The following BRF1 variants were observed in gnomAD, a reference collection of about 807,000 sequenced individuals.
BRF1 encodes the protein BRF1 general transcription factor IIIB subunit, also known as transcription factor IIIB 90 kDa subunit.
Under a neutral mutation model 81.7 loss-of-function variants are expected in BRF1, and 59 were observed. The observed-to-expected ratio is 0.72, with a 90% CI of 0.59 to 0.90. The LOEUF (loss-of-function observed/expected upper bound fraction) is 0.90. Ranked by LOEUF, BRF1 falls within the 40% of genes least tolerant of loss-of-function variation. The pLI is 0.00. For synonymous variants in BRF1, 491 were observed against 395.6 expected, an observed-to-expected ratio of 1.24 and a Z score of -2.86; for missense variants, 1,050 against 936.3, an observed-to-expected ratio of 1.12 and a Z score of -1.58.
At position 105,226,094 on chromosome 14, in the gene BRF1, C is replaced by A. The variant is rs200958859; in HGVS notation, c.1023G>T (p.Gly341=). The change falls in exon 10 of 18, where the codon GGG becomes GGT. Residue 341 remains glycine, a synonymous_variant. Coordinates refer to ENST00000547530, the MANE Select transcript of BRF1 (RefSeq NM_001519.4). ...CATCTTTTGCCAGGCTGGCCAGGCC[C>A]CCCTTGGCCTTTGGCCGGCTGTTTT... is the stretch of plus-strand genomic sequence containing the variant. The part of the protein sequence containing the change: ...ELENSRPKAK[G]GLASLAKDGS... 126 of 1,613,920 alleles carry A rather than the reference C, an allele frequency of 7.8e-5. No individual in the cohort carries two copies. The highest frequency in any genetic ancestry group is 3.3e-4 in the Middle Eastern group (2 of 6,056).
chr14:105,291,163 G>A (rs1276291364), intron 1 of BRF1, among the ~76,000 whole-genome samples: 2 of 152,202 alleles, frequency 1.3e-5, no homozygotes, highest in Non-Finnish European at 2.9e-5. Context: ...TGTACAGCAA[G>A]GGAGGACCTG....
At chr14:105,241,777 G>T (rs377373306) in intron 5 of BRF1, 46 of 285,132 alleles carry the variant, frequency 1.6e-4, no homozygotes, top group South Asian at 9.0e-4. Flanking sequence ...GACTCTTAGA[G>T]CAAGACAGGC....
chr14:105,264,862 T>C (rs1350599393), intron 3 of BRF1, among the ~76,000 whole-genome samples: 1 of 151,086 alleles, frequency 6.6e-6, no homozygotes, highest in East Asian at 1.9e-4. Context: ...ATTAAGAAGT[T>C]AGTAGATGGG....
At chr14:105,220,024 C>T in intron 12 of BRF1, 45 bp downstream of exon 12, 8 of 1,604,572 alleles carry the variant, frequency 5.0e-6, no homozygotes, top group Non-Finnish European at 6.8e-6. Flanking sequence ...GGCTGCAGCG[C>T]CCTCCCAAGC....
intron 5 of BRF1, chr14:105,249,590 G>A (rs760264735): frequency 1.9e-6 from 3 of 1,586,180 alleles, no homozygotes; most frequent in African/African-American, 1.3e-5. Context: ...GCCCAGCCCC[G>A]CGATGGGTGC....
rs372440520 is a variant in BRF1, at chr14:105,271,519, G to A, written c.439+1202C>T. On this transcript the variant is annotated intron_variant, in intron 3 of 17. Transcript: ENST00000547530. This position sits in a 1 kb window ranked among gnomAD's most constrained non-coding sequence, Gnocchi z 5.5. ...GACCACCTTCAGAGGGGCGCAGCTC[G>A]GAAAAGGTCCCTCTCCCAGGGAGCC... Among the ~76,000 whole-genome samples, 13 of 152,300 alleles carry A rather than the reference G, an allele frequency of 8.5e-5. No individual in the cohort carries two copies. The highest frequency in any genetic ancestry group is 8.3e-4 in the South Asian group (4 of 4,832).
chr14:105,298,698 T>C (rs2057842446), intron 1 of BRF1, among the ~76,000 whole-genome samples: 1 of 149,216 alleles, frequency 6.7e-6, no homozygotes, highest in Non-Finnish European at 1.5e-5. Context: ...CTACTAAAAA[T>C]ACAAAAATTA....
chr14:105,247,443 C>A, intron 5 of BRF1: 2 of 985,398 alleles, frequency 2.0e-6, no homozygotes, highest in Non-Finnish European at 2.4e-6. Flanking sequence ...GTCCTTTGCC[C>A]GTTTTTTAAA....
Position 105,272,903 on chromosome 14 carries a change from C to T in BRF1, c.266-9G>A, listed in dbSNP as rs748401808. The T allele has an allele frequency of 1.3e-6, 2 of 1,584,112 alleles. No homozygotes were observed. The highest frequency in any genetic ancestry group is 2.3e-5 in the South Asian group (2 of 88,370). Reference sequence around the variant, plus strand: ...GTGGATGTGGCGCCTCCCTAGGACACAGCACGAGGCAGCTCTTAGCCAAAT... The same window carrying T: ...GTGGATGTGGCGCCTCCCTAGGACATAGCACGAGGCAGCTCTTAGCCAAAT... On this transcript the variant is annotated splice_polypyrimidine_tract_variant and intron_variant, in intron 2 of 17. Transcript: ENST00000547530.
At chr14:105,220,445 G>A (rs1595276129) in intron 11 of BRF1, among the ~76,000 whole-genome samples, 3 of 152,226 alleles carry the variant, frequency 2.0e-5, no homozygotes, top group South Asian at 2.1e-4. Context: ...CCCAAAGACC[G>A]AGGGAGGGCA....
intron 15 of BRF1, among the ~76,000 whole-genome samples, chr14:105,215,198 T>C (rs1443981325): frequency 6.7e-6 from 1 of 148,840 alleles, no homozygotes; most frequent in East Asian, 2.0e-4. Context: ...CTGCACACAG[T>C]TGAGAGACTT....
intron 10 of BRF1, 50 bp from the exon 11 acceptor site, chr14:105,221,964 G>C (rs149857583): frequency 6.0e-6 from 9 of 1,502,420 alleles, no homozygotes; most frequent in East Asian, 5.0e-5. Context: ...CAGGGTGCCC[G>C]CTTTTGTGAC....
chr14:105,280,625 G>A (rs944413695), intron 2 of BRF1, among the ~76,000 whole-genome samples: 1 of 152,024 alleles, frequency 6.6e-6, no homozygotes, highest in Non-Finnish European at 1.5e-5. Flanking sequence ...TGCAGGTGGA[G>A]GCTGTGTGAT....
At chr14:105,246,828 A>G (rs917039025) in intron 5 of BRF1, 2 of 985,422 alleles carry the variant, frequency 2.0e-6, no homozygotes, top group Non-Finnish European at 2.4e-6. Context: ...TATTATTCAC[A>G]TGCTCCACAC....
intron 2 of BRF1, among the ~76,000 whole-genome samples, chr14:105,280,680 G>A (rs147755786): frequency 3.9e-4 from 59 of 151,928 alleles, no homozygotes; most frequent in African/African-American, 1.1e-3. Flanking sequence ...TCCTGAGCCC[G>A]GCTGTGCGGT....
rs2055672057 is a variant in BRF1 at position 105,252,577 on chromosome 14, C to G, written c.474G>C (p.Val158=). The G allele has an allele frequency of 6.2e-7, 1 of 1,613,246 alleles. No homozygotes were observed. The highest frequency in any genetic ancestry group is 1.7e-5 in the Admixed American group (1 of 59,796). The part of the protein sequence containing the change: ...MLLDLSDLLQ[V]NVYVLGKTFL... ...ACGTCTTTCCAAGCACGTACACATT[C>G]ACCTGAGATGGAGAGATCACAACCA... Residue 158 remains valine, a splice_region_variant and synonymous_variant, in exon 5 of 18, where the codon GTG becomes GTC. Transcript: ENST00000547530.
At chr14:105,314,818 A>G (rs1274334390) in intron 1 of BRF1, 1 of 323,810 alleles carries the variant, frequency 3.1e-6, no homozygotes, top group African/African-American at 2.3e-5. Context: ...CCCGGCAGCC[A>G]TGTGACCGCG....
intron 4 of BRF1, among the ~76,000 whole-genome samples, chr14:105,254,262 T>A (rs1040569991): frequency 3.3e-5 from 5 of 150,390 alleles, no homozygotes; most frequent in Non-Finnish European, 5.9e-5. Context: ...TTTGTTTTAG[T>A]TTGTTTGTTT....
rs758654645 is a variant in BRF1 at position 105,241,419 on chromosome 14, G to C, written c.545-5C>G. 6.2e-7 allele frequency: 1 copy of C among 1,610,678 alleles called. No homozygotes were observed. The highest frequency in any genetic ancestry group is 1.7e-5 in the Admixed American group (1 of 60,014). On this transcript the variant is annotated splice_region_variant and splice_polypyrimidine_tract_variant and intron_variant, in intron 5 of 17. Coordinates refer to ENST00000547530, the MANE Select transcript of BRF1 (RefSeq NM_001519.4). ...GTGGAATATACAGGCACGGGTCTGCGGCAGACACAGCACCTCAGTGCCCAC... is the reference window on the plus strand; with the variant it reads ...GTGGAATATACAGGCACGGGTCTGCCGCAGACACAGCACCTCAGTGCCCAC...
Sources: allele counts gnomAD v4.1 joint callset (sites outside exome capture counted in the v4.1 genomes callset), GRCh38; gene constraint gnomAD v4.1.1; non-coding constraint Gnocchi (gnomAD v3.1); transcripts MANE v1.5; gene names NCBI Gene and HGNC (gene_info 2026-07-23, HGNC 2026-07-21).